The following MYO10 variants were observed in gnomAD, a reference collection of about 807,000 sequenced individuals.
MYO10 encodes the protein myosin X, also known as unconventional myosin-X.
A neutral mutation model predicts 257.3 loss-of-function variants in MYO10; 133 were observed. The ratio of observed to expected loss-of-function variants is 0.52; its 90% confidence interval spans 0.45 to 0.60. The LOEUF (loss-of-function observed/expected upper bound fraction) is 0.60. Among genes scored for constraint, MYO10 ranks in the 20% least tolerant of loss-of-function variants. The pLI is 0.00. For synonymous variants in MYO10, 1,104 were observed against 1,028.6 expected (o/e 1.07, Z -1.40); for missense variants, 2,399 against 2,635.7 (o/e 0.91, Z 1.97).
intron 26 of MYO10, among the ~76,000 whole-genome samples, chr5:16,697,985 G>C (rs751299493): frequency 3.8e-4 from 58 of 152,198 alleles, no homozygotes; most frequent in Admixed American, 1.3e-4. Flanking sequence ...AATTGGTGAT[G>C]ATTATGGTTT....
intron 33 of MYO10, among the ~76,000 whole-genome samples, chr5:16,678,336 C>T (rs1372192818): frequency 6.6e-6 from 1 of 152,026 alleles, no homozygotes; most frequent in African/African-American, 2.4e-5. Context: ...TCTCAGCACT[C>T]TGGGAGGCTG....
intron 38 of MYO10, 145 bp downstream of exon 38, chr5:16,671,277 A>G: frequency 7.5e-6 from 8 of 1,067,236 alleles, no homozygotes; most frequent in Non-Finnish European, 1.1e-5. Context: ...CTACAAACGA[A>G]TGAAAGAGCA....
intron 2 of MYO10, among the ~76,000 whole-genome samples, chr5:16,869,948 GA>G (rs1469364109): frequency 7.2e-6 from 1 of 139,002 alleles, no homozygotes; most frequent in Non-Finnish European, 1.5e-5. Context: ...AGGGGGAGGG[GA>G]AAAAAGAAAA....
intron 1 of MYO10, among the ~76,000 whole-genome samples, chr5:16,894,769 G>A (rs573560320): frequency 6.6e-6 from 1 of 152,308 alleles, no homozygotes; most frequent in South Asian, 2.1e-4. Flanking sequence ...GATACACAGA[G>A]GACTGGAGCC....
At chr5:16,676,465 C>T (rs1460469496) in intron 33 of MYO10, among the ~76,000 whole-genome samples, 1 of 152,082 alleles carries the variant, frequency 6.6e-6, no homozygotes, top group Non-Finnish European at 1.5e-5. Flanking sequence ...ACCTGTAATC[C>T]CCGCATTTTG....
intron 19 of MYO10, among the ~76,000 whole-genome samples, chr5:16,748,613 AGAGGGAGAGAGG>A (rs1400823527): frequency 7.6e-5 from 6 of 78,798 alleles, no homozygotes; most frequent in Admixed American, 1.2e-4. Flanking sequence ...AAAGAGGGAG[AGAGGGAGAGAGG>A]GAGGGAGGGA....
At position 16,833,678 on chromosome 5, in the gene MYO10, T is replaced by G. The variant is rs552811775; in HGVS notation, c.121-15511A>C. On this transcript the variant is annotated intron_variant, in intron 2 of 40. Transcript: ENST00000513610. ...TGCTCAAGTTTGCAGAACATGAGATTTGGCAGTGCTGAACTCCACTCTGCA... is the reference window on the plus strand; with the variant it reads ...TGCTCAAGTTTGCAGAACATGAGATGTGGCAGTGCTGAACTCCACTCTGCA... 3.9e-5 allele frequency among the ~76,000 whole-genome samples: 6 copies of G among 152,298 alleles called. No homozygotes were observed. In the South Asian group the frequency reaches 6.2e-4, roughly 16 times the overall value.
intron 21 of MYO10, among the ~76,000 whole-genome samples, chr5:16,708,875 T>C (rs1738467294): frequency 6.6e-6 from 1 of 152,230 alleles, no homozygotes; most frequent in African/African-American, 2.4e-5. Flanking sequence ...CAATTTCTTT[T>C]TGATTAAACA....
chr5:16,740,349 G>A (rs925787437), intron 19 of MYO10, among the ~76,000 whole-genome samples: 2 of 151,998 alleles, frequency 1.3e-5, no homozygotes, highest in Admixed American at 1.3e-4. Flanking sequence ...AATGCTTAGA[G>A]GGGAAAAAAA....
At chr5:16,827,435 C>CA (rs757701151) in intron 2 of MYO10, among the ~76,000 whole-genome samples, 4 of 152,100 alleles carry the variant, frequency 2.6e-5, no homozygotes, top group Non-Finnish European at 4.4e-5. Context: ...TACAGGCAAG[C>CA]ACCACCAAGC....
intron 19 of MYO10, among the ~76,000 whole-genome samples, chr5:16,722,577 G>A (rs911104158): frequency 1.3e-5 from 2 of 152,210 alleles, no homozygotes; most frequent in African/African-American, 4.8e-5. Flanking sequence ...AATGTGCAAA[G>A]GCAATTAGAG....
intron 2 of MYO10, among the ~76,000 whole-genome samples, chr5:16,818,579 A>G (rs889749839): frequency 4.1e-5 from 6 of 146,824 alleles, no homozygotes; most frequent in Admixed American, 1.4e-4. Context: ...GACTACAGGC[A>G]TGTGCCACCA....
At chr5:16,667,056 T>C (rs1736207290) in intron 40 of MYO10, among the ~76,000 whole-genome samples, 1 of 152,218 alleles carries the variant, frequency 6.6e-6, no homozygotes, top group South Asian at 2.1e-4. Flanking sequence ...TGTCAGACTT[T>C]GCACATTAAA....
chr5:16,754,744 G>T, intron 19 of MYO10, 84 bp downstream of exon 19: 1 of 959,986 alleles, frequency 1.0e-6, no homozygotes, highest in Non-Finnish European at 1.5e-6. Flanking sequence ...AAAGGACTTT[G>T]GAGAAACCAA....
At chr5:16,691,393 T>C (rs1737496388) in intron 27 of MYO10, among the ~76,000 whole-genome samples, 1 of 149,020 alleles carries the variant, frequency 6.7e-6, no homozygotes. Context: ...TGAGATGAAA[T>C]ATTTAAAAAA....
chr5:16,900,968 G>C (rs1215900446), intron 1 of MYO10, among the ~76,000 whole-genome samples: 1 of 152,068 alleles, frequency 6.6e-6, no homozygotes, highest in Admixed American at 6.6e-5. Context: ...TCAAACTCCT[G>C]ACCTGAGGTG....
intron 33 of MYO10, among the ~76,000 whole-genome samples, chr5:16,677,601 G>A (rs1338243937): frequency 1.3e-5 from 2 of 150,634 alleles, no homozygotes; most frequent in Non-Finnish European, 3.0e-5. Flanking sequence ...ATTTTTAGTA[G>A]AGATGGGGTT....
In MYO10 at chr5:16,794,773, C is replaced by T. The variant is rs895281316; in HGVS notation, c.340G>A (p.Glu114Lys). 6.2e-6 allele frequency: 10 copies of T among 1,606,700 alleles called. No individual in the cohort carries two copies. Among genetic ancestry groups the T allele is most frequent in the South Asian group, 2.2e-5 (2 of 89,772 alleles). The change falls in exon 4 of 41, where the codon GAG becomes AAG. Residue 114 changes from glutamate (E) to lysine (K), a missense_variant. Glu to Lys is a moderately conservative substitution (Grantham distance 56). Transcript: ENST00000513610. ...CTGTACTGCTCCATGGTGGCAGGCTCGTACAGCCCGGCGATGGGCTGGTAG... is the reference window on the plus strand; with the variant it reads ...CTGTACTGCTCCATGGTGGCAGGCTTGTACAGCCCGGCGATGGGCTGGTAG... ...NPYQPIAGLY[E>K]PATMEQYSRR...
chr5:16,698,913 A>G (rs1433186236), intron 26 of MYO10, among the ~76,000 whole-genome samples: 2 of 143,524 alleles, frequency 1.4e-5, no homozygotes, highest in African/African-American at 3.0e-5. Context: ...GTGAGCCACC[A>G]CGCCCGGCCG....
Sources: gnomAD v4.1 joint callset for allele counts (sites outside exome capture counted in the v4.1 genomes callset) on GRCh38, gnomAD v4.1.1 for gene constraint, MANE v1.5 for transcripts, NCBI Gene and HGNC (gene_info 2026-07-23, HGNC 2026-07-21) for gene names.